DACH2: variants seen among roughly 807,000 people sequenced by gnomAD.
DACH2 encodes dachshund family transcription factor 2, also known as dachshund homolog 2.
Under a neutral mutation model 35.8 loss-of-function variants are expected in DACH2, and 17 were observed. That is an observed-to-expected ratio of 0.48 (90% CI 0.33 to 0.71). DACH2 has a LOEUF of 0.71. Ranked by LOEUF, DACH2 falls within the 30% of genes least tolerant of loss-of-function variation. The probability of loss-of-function intolerance (pLI) is 0.02; values close to 1 mark genes in which losing one functional copy is unlikely to be tolerated. For synonymous variants in DACH2, 195 were observed against 177.3 expected (o/e 1.10, Z -0.79); for missense variants, 469 against 472.7 (o/e 0.99, Z 0.07).
chrX:86,699,103 G>A (rs1356275165), intron 5 of DACH2, among the ~76,000 whole-genome samples: 4 of 111,894 alleles, frequency 3.6e-5, no homozygotes, highest in Non-Finnish European at 7.5e-5. Context: ...GAGGTAGACA[G>A]CAGCACAATC....
intron 1 of DACH2, among the ~76,000 whole-genome samples, chrX:86,279,030 G>A (rs112598231): frequency 0.034 from 3,837 of 111,781 alleles, 166 homozygotes; most frequent in African/African-American, 0.12. Flanking sequence ...TAAAATAAAG[G>A]CATCAGCTCC....
intron 2 of DACH2, among the ~76,000 whole-genome samples, chrX:86,440,600 A>G (rs2037144421): frequency 9.0e-6 from 1 of 111,491 alleles, no homozygotes; most frequent in Admixed American, 9.6e-5. Context: ...TATCTAGACC[A>G]TTGAAGTTGG....
At position 86,191,798 on chromosome X, in the gene DACH2, G is replaced by A. The variant is rs1020181467; in HGVS notation, c.488+42690G>A. 5.6e-4 allele frequency among the ~76,000 whole-genome samples: 62 copies of A among 110,075 alleles called. 4 individuals carry two copies. Among genetic ancestry groups the A allele is most frequent in the Admixed American group, 2.0e-4 (2 of 10,256 alleles). On this transcript the variant is annotated intron_variant, in intron 1 of 11. Coordinates refer to ENST00000373125, the MANE Select transcript of DACH2 (RefSeq NM_053281.3). ...TCTACTAAAAATACAAAAATTAGCC[G>A]AACGTGGTAGCGGGAACCTGTAATC... is the stretch of plus-strand genomic sequence containing the variant.
intron 1 of DACH2, among the ~76,000 whole-genome samples, chrX:86,181,476 G>A (rs1352998779): frequency 9.0e-6 from 1 of 110,908 alleles, no homozygotes; most frequent in Admixed American, 9.7e-5. Flanking sequence ...GAGAATGACG[G>A]TTTCCTTCTT....
chrX:86,649,751 CAGTT>C (rs1472619428), intron 3 of DACH2, among the ~76,000 whole-genome samples: 1 of 111,335 alleles, frequency 9.0e-6, no homozygotes, highest in African/African-American at 3.3e-5. Context: ...ACCAAACACA[CAGTT>C]AGACGGTTTA....
At chrX:86,669,520 TA>T (rs2040739371) in intron 4 of DACH2, among the ~76,000 whole-genome samples, 1 of 111,526 alleles carries the variant, frequency 9.0e-6, no homozygotes, top group African/African-American at 3.3e-5. Flanking sequence ...GAAAATTCTA[TA>T]AGGCAAGTAG....
Position 86,150,888 on chromosome X carries a change from CTCTT to C in DACH2, c.488+1782_488+1785del, listed in dbSNP as rs1368385342. Among the ~76,000 whole-genome samples, 5 of 111,329 alleles carry C rather than the reference CTCTT, an allele frequency of 4.5e-5. No homozygotes were observed. In the South Asian group the frequency reaches 1.5e-3, roughly 34 times the overall value. On this transcript the variant is annotated intron_variant, in intron 1 of 11. Transcript: ENST00000373125. ...AAACCTATTCTCTTATTAACTCTCTCTCTTTATCAGTCTCTCATCTCTCCATCCC... is the reference window on the plus strand; with the variant it reads ...AAACCTATTCTCTTATTAACTCTCTCTATCAGTCTCTCATCTCTCCATCCC...
At chrX:86,157,132 G>C (rs1275495253) in intron 1 of DACH2, among the ~76,000 whole-genome samples, 1 of 111,001 alleles carries the variant, frequency 9.0e-6, no homozygotes, top group African/African-American at 3.3e-5. Flanking sequence ...TTATACTACT[G>C]GAAAAAGTAT....
intron 3 of DACH2, among the ~76,000 whole-genome samples, chrX:86,552,704 G>A (rs2039066488): frequency 9.0e-6 from 1 of 111,430 alleles, no homozygotes; most frequent in Admixed American, 9.6e-5. Flanking sequence ...AGCAAGATTT[G>A]TTACACATAG....
At chrX:86,241,385 G>A (rs1250243470) in intron 1 of DACH2, among the ~76,000 whole-genome samples, 1 of 111,965 alleles carries the variant, frequency 8.9e-6, no homozygotes, top group Admixed American at 9.5e-5. Flanking sequence ...GAACTTGAGA[G>A]AGATGAATCA....
chrX:86,555,207 C>T (rs980169362), intron 3 of DACH2, among the ~76,000 whole-genome samples: 2 of 111,831 alleles, frequency 1.8e-5, no homozygotes, highest in African/African-American at 6.5e-5. Context: ...GACTTCAAAG[C>T]TATCCAGAAT....
At chrX:86,499,143 G>T in intron 2 of DACH2, among the ~76,000 whole-genome samples, 1 of 112,172 alleles carries the variant, frequency 8.9e-6, no homozygotes, top group Non-Finnish European at 1.9e-5. Flanking sequence ...AACAACTTTG[G>T]ATTTGAAGCT....
At chrX:86,233,470 T>C (rs2032992825) in intron 1 of DACH2, among the ~76,000 whole-genome samples, 1 of 112,411 alleles carries the variant, frequency 8.9e-6, no homozygotes, top group African/African-American at 3.2e-5. Context: ...TTACCAAGAA[T>C]GCAACTCTTT....
At chrX:86,532,884 T>G (rs1040748487) in intron 3 of DACH2, among the ~76,000 whole-genome samples, 1 of 111,046 alleles carries the variant, frequency 9.0e-6, no homozygotes, top group East Asian at 2.8e-4. Flanking sequence ...TAAAACAATG[T>G]TTTAGAAATG....
chrX:86,295,046 T>C (rs1468429237), intron 1 of DACH2, among the ~76,000 whole-genome samples: 5 of 112,714 alleles, frequency 4.4e-5, no homozygotes, highest in Non-Finnish European at 7.5e-5. Flanking sequence ...AGTTTGATCT[T>C]AGACTGCTGT....
chrX:86,244,886 A>G (rs1242527324), intron 1 of DACH2, among the ~76,000 whole-genome samples: 1 of 112,080 alleles, frequency 8.9e-6, no homozygotes, highest in African/African-American at 3.2e-5. Flanking sequence ...TTCCCAATGA[A>G]CATACATTAT....
intron 2 of DACH2, among the ~76,000 whole-genome samples, chrX:86,456,363 A>T (rs771361052): frequency 9.0e-6 from 1 of 111,664 alleles, no homozygotes; most frequent in South Asian, 3.7e-4. Context: ...TATAATTTTT[A>T]ATTATTCTTT....
At chrX:86,552,827 C>G (rs1238400933) in intron 3 of DACH2, among the ~76,000 whole-genome samples, 1 of 110,468 alleles carries the variant, frequency 9.1e-6, no homozygotes, top group African/African-American at 3.3e-5. Context: ...ATTGAAAGAC[C>G]CATAGGGAAG....
chrX:86,156,431 AG>A (rs1372619307), intron 1 of DACH2, among the ~76,000 whole-genome samples: 1 of 111,725 alleles, frequency 9.0e-6, no homozygotes, highest in East Asian at 2.8e-4. Context: ...GGTAAGAAAT[AG>A]TTAAAGTATG....
Sources: allele counts gnomAD v4.1 joint callset (sites outside exome capture counted in the v4.1 genomes callset), GRCh38; gene constraint gnomAD v4.1.1; transcripts MANE v1.5; gene names NCBI Gene and HGNC (gene_info 2026-07-23, HGNC 2026-07-21).